The following SCRN3 variants were observed in gnomAD, a reference collection of about 807,000 sequenced individuals.
SCRN3 encodes the protein secernin 3.
Under a neutral mutation model 43.1 loss-of-function variants are expected in SCRN3, and 39 were observed. The observed-to-expected ratio is 0.91, with a 90% CI of 0.70 to 1.18. The LOEUF (loss-of-function observed/expected upper bound fraction) is 1.18. Ranked by LOEUF, SCRN3 falls within the 50% of genes most tolerant of loss-of-function variation. The pLI, the probability that SCRN3 is intolerant of heterozygous loss-of-function variation, is 0.00. For missense variants in SCRN3, 484 were observed against 498.0 expected (o/e 0.97, Z 0.27); for synonymous variants, 147 against 163.1 (o/e 0.90, Z 0.75).
chr2:174,404,446 T>G (rs983515654), intron 5 of SCRN3, 131 bp downstream of exon 5: 5 of 614,292 alleles, frequency 8.1e-6, no homozygotes, highest in Admixed American at 3.5e-5. Flanking sequence ...GAAAAATATT[T>G]ATTATAAACC....
In SCRN3 at chr2:174,427,882, A is replaced by T. The variant is rs148742480; in HGVS notation, c.1262A>T (p.Lys421Ile). 339 of 1,393,830 alleles carry T rather than the reference A, an allele frequency of 2.4e-4. 4 individuals are homozygous for T. In the East Asian group the frequency reaches 7.8e-3, roughly 32 times the overall value. The allele number at this position is 1,393,830 out of a possible 1,614,324, so 86.3% of individuals were successfully genotyped here. The change falls in exon 8 of 8, where the codon AAA becomes ATA. Residue 421 changes from lysine (K) to isoleucine (I), a missense_variant. By Grantham distance (102) the Lys-to-Ile change is moderately radical. Coordinates refer to ENST00000272732, the MANE Select transcript of SCRN3 (RefSeq NM_024583.5). ...ATTTATCAGTCAAATTTATCAGTCAAAGTTAGTTCTTAGTGATCATATGGT... is the reference window on the plus strand; with the variant it reads ...ATTTATCAGTCAAATTTATCAGTCATAGTTAGTTCTTAGTGATCATATGGT... ...IQIYQSNLSV[K>I]VSS
chr2:174,412,299 G>A (rs1023209251), intron 5 of SCRN3, among the ~76,000 whole-genome samples: 1 of 152,102 alleles, frequency 6.6e-6, no homozygotes, highest in Non-Finnish European at 1.5e-5. Flanking sequence ...CTTGTCTGAG[G>A]AGAGGGAAGG....
chr2:174,403,461 A>G (rs781051782), intron 4 of SCRN3, among the ~76,000 whole-genome samples: 4 of 152,208 alleles, frequency 2.6e-5, no homozygotes, highest in Non-Finnish European at 5.9e-5. Flanking sequence ...GGAACAATTC[A>G]GATATCCTTT....
At chr2:174,400,689 TC>T (rs1258177421) in intron 3 of SCRN3, among the ~76,000 whole-genome samples, 1 of 152,208 alleles carries the variant, frequency 6.6e-6, no homozygotes, top group Admixed American at 6.5e-5. Flanking sequence ...TAACTAATTC[TC>T]ACAATAACCT....
chr2:174,397,918 TC>T (rs1685377712), intron 1 of SCRN3, among the ~76,000 whole-genome samples: 1 of 152,126 alleles, frequency 6.6e-6, no homozygotes, highest in African/African-American at 2.4e-5. Flanking sequence ...CCAGATTGAG[TC>T]CCAAGTCATA....
At chr2:174,426,939 T>C (rs1686505928) in intron 7 of SCRN3, among the ~76,000 whole-genome samples, 2 of 151,868 alleles carry the variant, frequency 1.3e-5, no homozygotes, top group East Asian at 3.9e-4. Flanking sequence ...TTCAAGCGAT[T>C]CTCCTGCCTC....
intron 5 of SCRN3, among the ~76,000 whole-genome samples, chr2:174,418,463 T>G (rs192530278): frequency 6.6e-6 from 1 of 152,348 alleles, no homozygotes; most frequent in African/African-American, 2.4e-5. Flanking sequence ...TTTAAATAAC[T>G]AGCTTAAATT....
intron 5 of SCRN3, among the ~76,000 whole-genome samples, chr2:174,422,569 CAAA>C (rs397872881): frequency 6.4e-5 from 7 of 109,082 alleles, no homozygotes; most frequent in African/African-American, 8.1e-5. Flanking sequence ...GACTCTGTCT[CAAA>C]AAAAAAAAAA....
chr2:174,417,823 C>A (rs1248039008), intron 5 of SCRN3, among the ~76,000 whole-genome samples: 4 of 152,152 alleles, frequency 2.6e-5, no homozygotes, highest in Non-Finnish European at 2.9e-5. Context: ...GTATTTTTCT[C>A]TCAGCACCTA....
chr2:174,401,931 C>T lies in SCRN3; in HGVS notation c.541+742C>T, dbSNP rs567588656. ...ACATGTGAAAATGTTAAATGGTGCA[C>T]GAATGATACAGACACATAGATGATT... On this transcript the variant is annotated intron_variant, in intron 4 of 7. Coordinates refer to ENST00000272732, the MANE Select transcript of SCRN3 (RefSeq NM_024583.5). 6.6e-5 allele frequency among the ~76,000 whole-genome samples: 10 copies of T among 152,070 alleles called. No individual in the cohort carries two copies. The South Asian group carries it at 2.1e-3, about 32-fold the overall frequency.
intron 1 of SCRN3, 197 bp from the exon 2 acceptor site, chr2:174,398,078 T>C: frequency 3.5e-6 from 1 of 289,622 alleles, no homozygotes; most frequent in East Asian, 6.3e-5. Flanking sequence ...CAGTAAGCCC[T>C]GATCATACAA....
rs187900883 is a variant in SCRN3, at chr2:174,411,987, G to T, written c.754+7672G>T. Among the ~76,000 whole-genome samples, 6 of 152,196 alleles carry T rather than the reference G, an allele frequency of 3.9e-5. No homozygotes were observed. The East Asian group carries it at 9.6e-4, about 24-fold the overall frequency. ...AGTTCATTAACATTTAATGGAAGCT[G>T]GTTCTCGTTGCGGGTAAGATGGAAT... On this transcript the variant is annotated intron_variant, in intron 5 of 7. Transcript: ENST00000272732.
chr2:174,413,754 C>T (rs1686011032), intron 5 of SCRN3, among the ~76,000 whole-genome samples: 1 of 151,832 alleles, frequency 6.6e-6, no homozygotes, highest in Non-Finnish European at 1.5e-5. Context: ...CCATGCCCAG[C>T]TAATTTTTGT....
intron 7 of SCRN3, 32 bp from the exon 8 acceptor site, chr2:174,427,681 A>G (rs1327500422): frequency 1.9e-5 from 27 of 1,405,538 alleles, no homozygotes; most frequent in Non-Finnish European, 2.7e-5. Flanking sequence ...GTATATGTAT[A>G]TGTGTTTATC....
At chr2:174,429,646 T>G (rs1339628495), downstream of SCRN3, 3 of 152,166 alleles carry the variant, frequency 2.0e-5, no homozygotes, top group Non-Finnish European at 4.4e-5. Flanking sequence ...AAGGCCATGG[T>G]TCAAGTTAGA....
chr2:174,399,313 C>T (rs1189172920), intron 2 of SCRN3, among the ~76,000 whole-genome samples: 1 of 152,124 alleles, frequency 6.6e-6, no homozygotes, highest in African/African-American at 2.4e-5. Context: ...ATAGCCTGTC[C>T]TGTAAACCAG....
rs1685609533 is a variant in SCRN3, at chr2:174,404,235, A to G, written c.674A>G (p.Tyr225Cys). The change falls in exon 5 of 8, where the codon TAT (tyrosine) becomes TGT (cysteine). Residue 225 changes from tyrosine to cysteine, a missense_variant. Transcript: ENST00000272732. The part of the protein sequence containing the change: ...GKKEFDFAAA[Y>C]SYLDTAKMMT... Reference sequence around the variant, plus strand: ...AAGGAGTTTGATTTTGCTGCAGCATATTCCTATCTTGACACAGCCAAGATG... The same window carrying G: ...AAGGAGTTTGATTTTGCTGCAGCATGTTCCTATCTTGACACAGCCAAGATG... 3.7e-6 allele frequency: 6 copies of G among 1,613,926 alleles called. No individual in the cohort carries two copies. The highest frequency in any genetic ancestry group is 5.1e-6 in the Non-Finnish European group (6 of 1,179,868).
chr2:174,420,337 T>C (rs1686255098), intron 5 of SCRN3, among the ~76,000 whole-genome samples: 1 of 152,184 alleles, frequency 6.6e-6, no homozygotes, highest in Non-Finnish European at 1.5e-5. Context: ...GTCTCAACAC[T>C]GGATCAAGGT....
chr2:174,406,669 G>A (rs941162045), intron 5 of SCRN3, among the ~76,000 whole-genome samples: 9 of 143,308 alleles, frequency 6.3e-5, no homozygotes, highest in Non-Finnish European at 1.3e-4. Flanking sequence ...TTAGCATGAA[G>A]GGTTGTTGAA....
Sources: gnomAD v4.1 joint callset for allele counts (sites outside exome capture counted in the v4.1 genomes callset) on GRCh38, gnomAD v4.1.1 for gene constraint, MANE v1.5 for transcripts, NCBI Gene and HGNC (gene_info 2026-07-23, HGNC 2026-07-21) for gene names.